The following RABEP1 variants were observed in gnomAD, a reference collection of about 807,000 sequenced individuals.
RABEP1 encodes the protein rabaptin, RAB GTPase binding effector protein 1.
A neutral mutation model predicts 123.4 loss-of-function variants in RABEP1; 51 were observed. That is an observed-to-expected ratio of 0.41 (90% CI 0.33 to 0.52). The LOEUF (loss-of-function observed/expected upper bound fraction) is 0.52. Among genes scored for constraint, RABEP1 ranks in the 20% least tolerant of loss-of-function variants. The pLI is 0.16. For synonymous variants in RABEP1, 347 were observed against 355.2 expected, an observed-to-expected ratio of 0.98 and a Z score of 0.26; for missense variants, 888 against 996.3, an observed-to-expected ratio of 0.89 and a Z score of 1.46.
chr17:5,383,084 A>T lies in RABEP1; in HGVS notation c.2488-38A>T. On this transcript the variant is annotated intron_variant, in intron 17 of 17. Transcript: ENST00000537505. ...CAGTCAAAGTTCAGAAAATCTAGGC[A>T]GGAGCCACCTGTAGTTATCTCACCA... 1.9e-6 allele frequency: 3 copies of T among 1,576,870 alleles called. No individual in the cohort carries two copies. In the South Asian group the frequency reaches 3.3e-5, roughly 17 times the overall value.
Position 5,311,718 on chromosome 17 carries a change from AAAC to A in RABEP1, c.163+2898_163+2900del, listed in dbSNP as rs1406420473. On this transcript the variant is annotated intron_variant, in intron 2 of 17. Coordinates refer to ENST00000537505, the MANE Select transcript of RABEP1 (RefSeq NM_004703.6). ...ATCTCAAAAAAAAAAAAAAAAAAAA[AAAC>A]AGACTAAAAAATAGGAAAATATAAA... 8.3e-3 allele frequency among the ~76,000 whole-genome samples: 1,244 copies of A among 150,134 alleles called. 19 individuals carry two copies. Among genetic ancestry groups the A allele is most frequent in the African/African-American group, 0.029 (1,180 of 40,142 alleles).
In RABEP1 at chr17:5,346,855, A is replaced by G. The variant is rs751344666; in HGVS notation, c.714A>G (p.Val238=). The G allele has an allele frequency of 6.2e-7, 1 of 1,610,584 alleles. No homozygotes were observed. The highest frequency in any genetic ancestry group is 1.3e-5 in the African/African-American group (1 of 74,976). ...KSCRTDLEMY[V]AVLNTQKSVL... Reference sequence around the variant, plus strand: ...GTAGGACTGATCTAGAGATGTATGTAGCTGTTTTGAATACTCAGAAATCTG... The same window carrying G: ...GTAGGACTGATCTAGAGATGTATGTGGCTGTTTTGAATACTCAGAAATCTG... Residue 238 remains valine, a synonymous_variant, in exon 6 of 18, where the codon GTA becomes GTG. Transcript: ENST00000537505.
chr17:5,332,596 A>G (rs1410190151), intron 3 of RABEP1, among the ~76,000 whole-genome samples: 1 of 105,916 alleles, frequency 9.4e-6, no homozygotes, highest in Non-Finnish European at 1.9e-5. Flanking sequence ...ACGTTTTAGA[A>G]TTTTTTTTTT....
chr17:5,376,092 C>T (rs1050556255), intron 13 of RABEP1, among the ~76,000 whole-genome samples: 7 of 152,130 alleles, frequency 4.6e-5, no homozygotes, highest in African/African-American at 1.2e-4. Flanking sequence ...CCGCCTTCCT[C>T]GGCTTCCCAA....
At chr17:5,299,201 C>T (rs1567867597) in intron 1 of RABEP1, among the ~76,000 whole-genome samples, 1 of 152,028 alleles carries the variant, frequency 6.6e-6, no homozygotes, top group Non-Finnish European at 1.5e-5. Context: ...AGTGTGTGGC[C>T]TCTTTACATT....
Position 5,386,223 on chromosome 17 carries a change from T to C in RABEP1, c.*3000T>C, listed in dbSNP as rs1911956632. 2.5e-6 allele frequency: 4 copies of C among 1,613,498 alleles called. No individual in the cohort carries two copies. In the South Asian group the frequency reaches 4.4e-5, roughly 18 times the overall value. On this transcript the variant is annotated 3_prime_UTR_variant, in exon 18 of 18. Coordinates refer to ENST00000537505, the MANE Select transcript of RABEP1 (RefSeq NM_004703.6). ...TGGTGGTGTCAGAAGTTTACATGAT[T>C]GCGGATATCATTGATTTGCTTCACC...
intron 11 of RABEP1, among the ~76,000 whole-genome samples, chr17:5,367,849 GTT>G (rs1365369675): frequency 6.7e-6 from 1 of 149,218 alleles, no homozygotes; most frequent in African/African-American, 2.4e-5. Flanking sequence ...CTGCCTCCCG[GTT>G]TTCAAGCAAT....
In RABEP1 at chr17:5,308,778, A is replaced by T; in HGVS notation, c.119A>T (p.Asn40Ile). 1 of 1,611,354 alleles carries T rather than the reference A, an allele frequency of 6.2e-7. No individual in the cohort carries two copies. Among genetic ancestry groups the T allele is most frequent in the Non-Finnish European group, 8.5e-7 (1 of 1,178,154 alleles). The change falls in exon 2 of 18, where the codon AAT becomes ATT. Residue 40 changes from asparagine to isoleucine, a missense_variant. Coordinates refer to ENST00000537505, the MANE Select transcript of RABEP1 (RefSeq NM_004703.6). Reference protein sequence around the residue: ...RAQQQLEQEFNQKRAKFKELY... With the variant: ...RAQQQLEQEFIQKRAKFKELY... Reference sequence around the variant, plus strand: ...CAACAGCAGCTTGAACAAGAATTTAATCAAAAGAGAGCAAAATTTAAGGAG... The same window carrying T: ...CAACAGCAGCTTGAACAAGAATTTATTCAAAAGAGAGCAAAATTTAAGGAG...
At chr17:5,365,298 A>G in intron 11 of RABEP1, 60 bp downstream of exon 11, 6 of 1,157,046 alleles carry the variant, frequency 5.2e-6, no homozygotes, top group African/African-American at 1.6e-5. Flanking sequence ...TAAATGAAAG[A>G]TTCAAAAAAT....
At position 5,374,372 on chromosome 17, in the gene RABEP1, T is replaced by G. The variant is rs150760304; in HGVS notation, c.2025+918T>G. Among the ~76,000 whole-genome samples the G allele has an allele frequency of 3.9e-3, 588 of 152,110 alleles. 13 individuals are homozygous for G. The highest frequency in any genetic ancestry group is 0.014 in the African/African-American group (563 of 41,378). ...ACATTCTTCTGTGGTTGGGTAAACC[T>G]GGGCTACAAAACTGGTTTCCCAGAG... is the stretch of plus-strand genomic sequence containing the variant. On this transcript the variant is annotated intron_variant, in intron 13 of 17. Transcript: ENST00000537505.
chr17:5,345,652 C>G (rs1402541226), intron 5 of RABEP1, among the ~76,000 whole-genome samples: 1 of 152,140 alleles, frequency 6.6e-6, no homozygotes. Flanking sequence ...TGCAACTTTA[C>G]CATTCTTTGT....
chr17:5,351,083 T>G (rs1403896264), intron 7 of RABEP1, among the ~76,000 whole-genome samples: 1 of 152,164 alleles, frequency 6.6e-6, no homozygotes, highest in Admixed American at 6.6e-5. Flanking sequence ...CAGTGTATTT[T>G]GTGTGTAGCC....
chr17:5,335,286 T>G lies in RABEP1; in HGVS notation c.470T>G (p.Leu157Ter). 1 of 1,614,014 alleles carries G rather than the reference T, an allele frequency of 6.2e-7. No individual in the cohort carries two copies. The highest frequency in any genetic ancestry group is 8.5e-7 in the Non-Finnish European group (1 of 1,179,926). ...RESAEREIADLRRRLSEGQEE... is the reference protein window; with the variant it reads ...RESAEREIAD Reference sequence around the variant, plus strand: ...TCCGCAGAGAGGGAAATAGCTGATTTAAGAAGAAGGCTGTCTGAAGGTCAA... The same window carrying G: ...TCCGCAGAGAGGGAAATAGCTGATTGAAGAAGAAGGCTGTCTGAAGGTCAA... Residue 157 changes from leucine to a stop codon, truncating the protein, a stop_gained, in exon 4 of 18, where the codon TTA becomes TGA. Coordinates refer to ENST00000537505, the MANE Select transcript of RABEP1 (RefSeq NM_004703.6). LOFTEE classifies it high-confidence loss of function.
intron 9 of RABEP1, chr17:5,361,906 C>T: frequency 2.1e-6 from 1 of 487,032 alleles, no homozygotes; most frequent in Non-Finnish European, 3.7e-6. Flanking sequence ...ATGTGAACCT[C>T]CCCACCTGAA....
chr17:5,337,504 T>C (rs561721954), intron 4 of RABEP1, among the ~76,000 whole-genome samples: 1 of 152,002 alleles, frequency 6.6e-6, no homozygotes, highest in Non-Finnish European at 1.5e-5. Context: ...GCTAACACGA[T>C]GAAACCCTGT....
intron 8 of RABEP1, among the ~76,000 whole-genome samples, chr17:5,359,170 T>C (rs985294962): frequency 6.6e-6 from 1 of 150,424 alleles, no homozygotes; most frequent in African/African-American, 2.5e-5. Flanking sequence ...GCCTCCCGGG[T>C]TCACGCCATT....
intron 3 of RABEP1, among the ~76,000 whole-genome samples, chr17:5,332,596 A>AT (rs553120401): frequency 0.089 from 9,414 of 105,716 alleles, 587 homozygotes; most frequent in African/African-American, 0.14. Flanking sequence ...ACGTTTTAGA[A>AT]TTTTTTTTTT....
chr17:5,344,771 CAAAAAAA>C lies in RABEP1; in HGVS notation c.649-2001_649-1995del, dbSNP rs1177790100. On this transcript the variant is annotated intron_variant, in intron 5 of 17. Coordinates refer to ENST00000537505, the MANE Select transcript of RABEP1 (RefSeq NM_004703.6). ...TGGGTGACAGAGCAAGACACTGTCT[CAAAAAAA>C]AAAAAAAAAAAAAAAAAGGAAAAAC... Among the ~76,000 whole-genome samples the C allele has an allele frequency of 4.3e-4, 20 of 46,940 alleles. No homozygotes were observed. In the South Asian group the frequency reaches 4.3e-3, roughly 10 times the overall value. The allele number at this position is 46,940 out of a possible 152,430, so 30.8% of individuals were successfully genotyped here. A position where few individuals can be genotyped will look rare whatever the true frequency, so the allele number is the denominator to read the frequency against.
intron 2 of RABEP1, among the ~76,000 whole-genome samples, chr17:5,311,793 A>G (rs1475578589): frequency 6.6e-6 from 1 of 152,096 alleles, no homozygotes; most frequent in Non-Finnish European, 1.5e-5. Context: ...TTCTCATTAA[A>G]TCGTTAATCT....
Sources: allele counts gnomAD v4.1 joint callset (sites outside exome capture counted in the v4.1 genomes callset), GRCh38; gene constraint gnomAD v4.1.1; transcripts MANE v1.5; gene names NCBI Gene and HGNC (gene_info 2026-07-23, HGNC 2026-07-21).